Variants in DDHD2 observed in about 807,000 individuals in gnomAD.
The protein encoded by DDHD2 is DDHD domain containing 2, also known as triacylglycerol hydrolase DDHD2.
Under a neutral mutation model 91.2 loss-of-function variants are expected in DDHD2, and 62 were observed. The ratio of observed to expected loss-of-function variants is 0.68; its 90% CI spans 0.55 to 0.84. DDHD2 has a LOEUF of 0.84. Among genes scored for constraint, DDHD2 ranks in the 40% least tolerant of loss-of-function variants. The pLI is 0.00. For synonymous variants in DDHD2, 271 were observed against 293.9 expected (o/e 0.92, Z 0.80); for missense variants, 740 against 846.9 (o/e 0.87, Z 1.57).
rs759786106 is a variant in DDHD2, at chr8:38,247,801, T to C, written c.1214T>C (p.Ile405Thr). The change falls in exon 10 of 18, where the codon ATC (isoleucine) becomes ACC (threonine). Residue 405 changes from isoleucine (I) to threonine (T), a missense_variant. Physicochemically the swap from Ile to Thr is moderately conservative, Grantham distance 89 (BLOSUM62 -1). Around this residue, in one of 2 missense-constraint regions of DDHD2, gnomAD observed 693 missense variants for 764.2 expected, o/e 0.91. Transcript: ENST00000397166. ...KKLQLSEFFDIFEKEKVDKEA... is the reference protein window; with the variant it reads ...KKLQLSEFFDTFEKEKVDKEA... The stretch of plus-strand genomic sequence containing the variant: ...CTTCAGCTCTCTGAATTCTTTGATA[T>C]CTTTGAGAAGGAGAAAGTAGATAAG... 6.3e-7 allele frequency: 1 copy of C among 1,583,770 alleles called. No individual in the cohort carries two copies. Among genetic ancestry groups the C allele is most frequent in the South Asian group, 1.2e-5 (1 of 85,446 alleles).
chr8:38,236,540 A>G (rs1321013668), intron 3 of DDHD2, among the ~76,000 whole-genome samples: 2 of 144,712 alleles, frequency 1.4e-5, no homozygotes, highest in Non-Finnish European at 1.5e-5. Flanking sequence ...TTTGAGACGG[A>G]GTTCCACTCT....
At chr8:38,270,366 T>G (rs929344482) in intron 1 of DDHD2, 1 of 152,238 alleles carries the variant, frequency 6.6e-6, no homozygotes, top group Non-Finnish European at 1.5e-5. Context: ...GTATCTGTGT[T>G]TGTTGTGCAA....
At chr8:38,270,514 C>G (rs1585841702) in intron 1 of DDHD2, 1 of 152,178 alleles carries the variant, frequency 6.6e-6, no homozygotes, top group Non-Finnish European at 1.5e-5. Flanking sequence ...ATTATCTTAA[C>G]ATAGGGCATG....
downstream of DDHD2, chr8:38,266,077 G>A: frequency 1.3e-6 from 2 of 1,483,616 alleles, no homozygotes; most frequent in Non-Finnish European, 1.9e-6. Context: ...TCTCCTCTGT[G>A]CTAGGTGCTA....
downstream of DDHD2, chr8:38,264,681 C>T: frequency 6.9e-7 from 1 of 1,454,872 alleles, no homozygotes; most frequent in Non-Finnish European, 9.1e-7. Flanking sequence ...CATAGAGGAC[C>T]TGGCCCTCCA....
chr8:38,257,383 G>T (rs1806602036), intron 16 of DDHD2, among the ~76,000 whole-genome samples: 1 of 150,774 alleles, frequency 6.6e-6, no homozygotes, highest in Admixed American at 6.6e-5. Context: ...TGAGTAGCTG[G>T]GATTACAGGT....
chr8:38,237,544 T>TA lies in DDHD2; in HGVS notation c.419dup (p.Tyr140Ter), dbSNP rs1438386252. 1 of 1,578,092 alleles carries TA rather than the reference T, an allele frequency of 6.3e-7. No individual in the cohort carries two copies. The highest frequency in any genetic ancestry group is 8.7e-7 in the Non-Finnish European group (1 of 1,155,116). Residue 140 changes from tyrosine (Y) to a stop codon, truncating the protein, a stop_gained and frameshift_variant, in exon 4 of 18, where the codon TAC becomes TAAC. Coordinates refer to ENST00000397166, the MANE Select transcript of DDHD2 (RefSeq NM_015214.3). LOFTEE classifies it high-confidence loss of function. ...ESFSQVLEET[Y>*]MLAVTLDEWK... The stretch of plus-strand genomic sequence containing the variant: ...AAATGTGTTTTCTTTTAAGGAAACT[T>TA]ACATGCTTGCTGTAACTTTGGATGA...
intron 1 of DDHD2, chr8:38,268,593 G>GC (rs2130952183): frequency 6.9e-7 from 1 of 1,452,248 alleles, no homozygotes; most frequent in Non-Finnish European, 9.1e-7. Context: ...GTAACCGGGC[G>GC]CCAGGCAGCG....
intron 5 of DDHD2, chr8:38,238,576 C>G: frequency 9.6e-7 from 1 of 1,038,466 alleles, no homozygotes; most frequent in Non-Finnish European, 1.2e-6. Context: ...TGTTTTTCAG[C>G]AGGACCTGAT....
Position 38,244,972 on chromosome 8 carries a change from TG to T in DDHD2, c.849-769del, listed in dbSNP as rs567354069. The stretch of plus-strand genomic sequence containing the variant: ...TACCTAGTCTGTTCAAATTTCCAGT[TG>T]TCTATTATATTTTTATACATATTTT... On this transcript the variant is annotated intron_variant, in intron 7 of 17. Transcript: ENST00000397166. 2.6e-3 allele frequency among the ~76,000 whole-genome samples: 398 copies of T among 151,822 alleles called. 1 individual carries two copies. Among genetic ancestry groups the T allele is most frequent in the African/African-American group, 9.2e-3 (383 of 41,472 alleles).
intron 7 of DDHD2, among the ~76,000 whole-genome samples, chr8:38,245,167 C>T (rs548537161): frequency 1.2e-4 from 18 of 151,990 alleles, no homozygotes; most frequent in Admixed American, 6.5e-4. Flanking sequence ...CATGGTGGCT[C>T]ATGCTTGTAA....
chr8:38,234,733 C>T (rs1444560889), intron 3 of DDHD2, 149 bp downstream of exon 3: 4 of 625,268 alleles, frequency 6.4e-6, no homozygotes, highest in African/African-American at 5.8e-5. Flanking sequence ...TTTCTATTTA[C>T]AAGCAAGTTT....
chr8:38,235,492 T>A (rs1271970401), intron 3 of DDHD2, among the ~76,000 whole-genome samples: 1 of 150,620 alleles, frequency 6.6e-6, no homozygotes, highest in Non-Finnish European at 1.5e-5. Flanking sequence ...GGGGCTGAGG[T>A]GGGCGGATCA....
chr8:38,238,502 C>T, intron 5 of DDHD2: 5 of 1,113,480 alleles, frequency 4.5e-6, no homozygotes, highest in African/African-American at 1.7e-5. Context: ...ATTCCACCTA[C>T]TTGACTAGAA....
chr8:38,268,034 A>T, intron 1 of DDHD2: 1 of 1,607,456 alleles, frequency 6.2e-7, no homozygotes, highest in South Asian at 1.1e-5. Flanking sequence ...TTATGAGAGC[A>T]GCCGTGCTGT....
At position 38,237,572 on chromosome 8, in the gene DDHD2, G is replaced by T; in HGVS notation, c.446G>T (p.Trp149Leu). 6.3e-7 allele frequency: 1 copy of T among 1,597,172 alleles called. No homozygotes were observed. Among genetic ancestry groups the T allele is most frequent in the South Asian group, 1.1e-5 (1 of 87,930 alleles). ...ATGCTTGCTGTAACTTTGGATGAAT[G>T]GAAAAAGAAACTGGAATCTCCCAAC... Reference protein sequence around the residue: ...TYMLAVTLDEWKKKLESPNRE... With the variant: ...TYMLAVTLDELKKKLESPNRE... Residue 149 changes from tryptophan to leucine, a missense_variant, in exon 4 of 18, where the codon TGG (tryptophan) becomes TTG (leucine). This residue lies in a region of DDHD2 where 693 missense variants were observed against 764.2 expected (regional missense o/e 0.91). Coordinates refer to ENST00000397166, the MANE Select transcript of DDHD2 (RefSeq NM_015214.3).
chr8:38,241,681 A>G (rs1563302898), intron 6 of DDHD2, among the ~76,000 whole-genome samples: 1 of 151,496 alleles, frequency 6.6e-6, no homozygotes, highest in African/African-American at 2.4e-5. Context: ...GGCCCCCCAA[A>G]GTGCTGGGAT....
At position 38,237,610 on chromosome 8, in the gene DDHD2, AT is replaced by A. The variant is rs1405356714; in HGVS notation, c.488del (p.Leu163TyrfsTer32). The A allele has an allele frequency of 1.3e-6, 2 of 1,572,520 alleles. No homozygotes were observed. Among genetic ancestry groups the A allele is most frequent in the South Asian group, 2.3e-5 (2 of 86,512 alleles). On this transcript the variant is annotated frameshift_variant, in exon 4 of 18. Coordinates refer to ENST00000397166, the MANE Select transcript of DDHD2 (RefSeq NM_015214.3). LOFTEE classifies it high-confidence loss of function. The stretch of plus-strand genomic sequence containing the variant: ...GGAATCTCCCAACAGAGAAATTATT[AT>A]TTTACACAATCCAAAGGTAAAACAA... Reference protein sequence around the residue: ...KLESPNREIIILHNPKLMVHY... With the variant: ...KLESPNREIIXLHNPKLMVHY...
chr8:38,270,251 G>A (rs567714197), intron 1 of DDHD2: 1 of 152,232 alleles, frequency 6.6e-6, no homozygotes, highest in South Asian at 2.1e-4. Flanking sequence ...GCAAAGTAAT[G>A]GTTCACAGGA....
Sources: gnomAD v4.1 joint callset for allele counts (sites outside exome capture counted in the v4.1 genomes callset) on GRCh38, gnomAD v4.1.1 for gene constraint, gnomAD v4.1.1 regional missense constraint, MANE v1.5 for transcripts, NCBI Gene and HGNC (gene_info 2026-07-23, HGNC 2026-07-21) for gene names.